MACROD2: variants seen among roughly 807,000 people sequenced by gnomAD.
MACROD2 encodes the protein ADP-ribose glycohydrolase MACROD2.
Under a neutral mutation model 70.4 loss-of-function variants are expected in MACROD2, and 36 were observed. The ratio of observed to expected loss-of-function variants is 0.51; its 90% CI spans 0.39 to 0.68. The LOEUF (loss-of-function observed/expected upper bound fraction) is 0.68. Ranked by LOEUF, MACROD2 falls within the 30% of genes least tolerant of loss-of-function variation. The probability of loss-of-function intolerance (pLI) is 0.00; values close to 1 mark genes in which losing one functional copy is unlikely to be tolerated. For synonymous variants in MACROD2, 172 were observed against 178.8 expected (o/e 0.96, Z 0.30); for missense variants, 496 against 538.4 (o/e 0.92, Z 0.78).
chr20:15,482,757 A>G (rs1219485454), intron 7 of MACROD2, among the ~76,000 whole-genome samples: 3 of 152,146 alleles, frequency 2.0e-5, no homozygotes, highest in Non-Finnish European at 4.4e-5. Context: ...GATCTTGGCC[A>G]TTCTAATAGA....
chr20:14,938,010 T>TG (rs1023081407), intron 5 of MACROD2, among the ~76,000 whole-genome samples: 1 of 151,364 alleles, frequency 6.6e-6, no homozygotes, highest in Non-Finnish European at 1.5e-5. Context: ...CAAGTTTTTT[T>TG]TTTTTTTTTT....
chr20:14,385,986 T>C (rs186032786), intron 3 of MACROD2, among the ~76,000 whole-genome samples: 18 of 152,150 alleles, frequency 1.2e-4, no homozygotes, highest in Admixed American at 1.1e-3. Context: ...TGAAGGCATG[T>C]ACATTTATTG....
chr20:15,031,772 C>G (rs548761821), intron 5 of MACROD2, among the ~76,000 whole-genome samples: 1 of 152,144 alleles, frequency 6.6e-6, no homozygotes, highest in African/African-American at 2.4e-5. Flanking sequence ...GAGGGAGCAC[C>G]ATAAATTCTC....
intron 8 of MACROD2, among the ~76,000 whole-genome samples, chr20:15,593,050 C>T (rs979656836): frequency 6.6e-5 from 10 of 152,174 alleles, no homozygotes; most frequent in African/African-American, 2.4e-4. Context: ...CACAAGCACA[C>T]ACAAACCAAC....
chr20:14,654,805 T>C (rs1325406220), intron 4 of MACROD2, among the ~76,000 whole-genome samples: 2 of 152,180 alleles, frequency 1.3e-5, no homozygotes, highest in African/African-American at 4.8e-5. Flanking sequence ...CTAAAAGCGC[T>C]CAGTTCCCCC....
intron 4 of MACROD2, among the ~76,000 whole-genome samples, chr20:14,671,328 G>A (rs756160): frequency 6.6e-6 from 1 of 152,034 alleles, no homozygotes; most frequent in South Asian, 2.1e-4. Context: ...GGATTTTAAT[G>A]AGCTTGACTT....
intron 4 of MACROD2, among the ~76,000 whole-genome samples, chr20:14,668,841 T>A (rs2070764778): frequency 6.6e-6 from 1 of 151,440 alleles, no homozygotes; most frequent in Non-Finnish European, 1.5e-5. Context: ...ACACAAACAC[T>A]TTTTTTTAAA....
chr20:14,394,487 GA>G (rs201076583), intron 3 of MACROD2, among the ~76,000 whole-genome samples: 1,914 of 152,248 alleles, frequency 0.013, 25 homozygotes, highest in Middle Eastern at 0.054. Flanking sequence ...ATTAGCCCTA[GA>G]AGCTTTTGCA....
chr20:16,024,514 GACAC>G (rs918559866), intron 15 of MACROD2, among the ~76,000 whole-genome samples: 1 of 112,528 alleles, frequency 8.9e-6, no homozygotes, highest in Non-Finnish European at 2.0e-5. Context: ...CACACACACA[GACAC>G]ACACACACAC....
At chr20:14,997,339 A>T (rs1053572242) in intron 5 of MACROD2, among the ~76,000 whole-genome samples, 27 of 152,134 alleles carry the variant, frequency 1.8e-4, no homozygotes, top group African/African-American at 6.5e-4. Context: ...AAGGGGAAGT[A>T]TCTAGTCTTG....
At chr20:15,340,516 G>A (rs1255057975) in intron 6 of MACROD2, among the ~76,000 whole-genome samples, 1 of 152,078 alleles carries the variant, frequency 6.6e-6, no homozygotes, top group Non-Finnish European at 1.5e-5. Context: ...ACAGTACTCT[G>A]CTCGGGCTTC....
chr20:14,317,098 T>C (rs536927751), intron 3 of MACROD2, among the ~76,000 whole-genome samples: 1 of 152,182 alleles, frequency 6.6e-6, no homozygotes, highest in Admixed American at 6.5e-5. Context: ...TTAAACACAT[T>C]AAGCTGATTT....
intron 6 of MACROD2, among the ~76,000 whole-genome samples, chr20:15,279,022 C>T (rs1187897625): frequency 6.6e-6 from 1 of 152,082 alleles, no homozygotes; most frequent in East Asian, 1.9e-4. Flanking sequence ...TAGGCAATAT[C>T]TGTGCTGAAA....
chr20:14,747,073 C>A (rs1361295363), intron 5 of MACROD2, among the ~76,000 whole-genome samples: 4 of 152,184 alleles, frequency 2.6e-5, no homozygotes, highest in Non-Finnish European at 4.4e-5. Context: ...GTCCAGTCCT[C>A]ATGCTGCTAT....
intron 3 of MACROD2, among the ~76,000 whole-genome samples, chr20:14,172,366 A>T (rs2081229478): frequency 7.4e-6 from 1 of 135,396 alleles, no homozygotes; most frequent in Non-Finnish European, 1.5e-5. Context: ...ATGCAGTGGC[A>T]TGATCTCGGC....
At chr20:14,799,254 A>G (rs1235519125) in intron 5 of MACROD2, among the ~76,000 whole-genome samples, 1 of 151,998 alleles carries the variant, frequency 6.6e-6, no homozygotes, top group Non-Finnish European at 1.5e-5. Context: ...TTGTATCCCA[A>G]ATCAACTTGA....
intron 3 of MACROD2, among the ~76,000 whole-genome samples, chr20:14,441,359 G>T (rs1414546011): frequency 6.6e-6 from 1 of 152,146 alleles, no homozygotes; most frequent in Non-Finnish European, 1.5e-5. Flanking sequence ...AGGCAAGATG[G>T]CAAGAACAAC....
intron 5 of MACROD2, among the ~76,000 whole-genome samples, chr20:14,771,647 A>C (rs2072167302): frequency 8.1e-6 from 1 of 123,642 alleles, no homozygotes; most frequent in African/African-American, 3.2e-5. Flanking sequence ...CCAAAAATAC[A>C]CACACACACA....
In MACROD2 at chr20:14,918,184, C is replaced by G. The variant is rs1179056910; in HGVS notation, c.418+233225C>G. 2.0e-5 allele frequency among the ~76,000 whole-genome samples: 3 copies of G among 152,066 alleles called. No homozygotes were observed. The East Asian group carries it at 5.8e-4, about 29-fold the overall frequency. On this transcript the variant is annotated intron_variant, in intron 5 of 17. Coordinates refer to ENST00000684519, the MANE Select transcript of MACROD2 (RefSeq NM_001351661.2). ...AGGGATGGGTTTTTGCTATGTTGCC[C>G]AGGCTGGTCTCAAACTCCTGGGTTC...
Sources: gnomAD v4.1 joint callset for allele counts (sites outside exome capture counted in the v4.1 genomes callset) on GRCh38, gnomAD v4.1.1 for gene constraint, MANE v1.5 for transcripts, NCBI Gene and HGNC (gene_info 2026-07-23, HGNC 2026-07-21) for gene names.